Variants in PCED1B observed in about 807,000 individuals in gnomAD.
The protein encoded by PCED1B is PC-esterase domain containing 1B.
For missense variants in PCED1B, 573 were observed against 573.9 expected (o/e 1.00, Z 0.02); for synonymous variants, 251 against 246.1 (o/e 1.02, Z -0.19).
chr12:47,118,144 T>A (rs1027519211), intron 2 of PCED1B, among the ~76,000 whole-genome samples: 9 of 152,230 alleles, frequency 5.9e-5, no homozygotes, highest in African/African-American at 1.9e-4. Context: ...GTAAATTGCC[T>A]GTTCACTCTG....
chr12:47,201,513 A>G (rs1942762963), intron 2 of PCED1B, among the ~76,000 whole-genome samples: 1 of 152,170 alleles, frequency 6.6e-6, no homozygotes, highest in Non-Finnish European at 1.5e-5. Context: ...GGAGATTCTA[A>G]AAACAGGGTT....
intron 1 of PCED1B, among the ~76,000 whole-genome samples, chr12:47,087,507 G>A (rs534663147): frequency 1.3e-5 from 2 of 152,198 alleles, no homozygotes; most frequent in Admixed American, 1.3e-4. Flanking sequence ...GTTAGTCCTG[G>A]CTACACTCCC....
rs566048527 is a variant in PCED1B at position 47,175,100 on chromosome 12, T to A, written c.-525-41122T>A. ...TATAATATCCCTCTTCAAATTCCTA[T>A]AATTCTGCATTTTTGATATTTAGAA... On this transcript the variant is annotated intron_variant, in intron 2 of 3. Transcript: ENST00000546455. Among the ~76,000 whole-genome samples, 4 of 152,320 alleles carry A rather than the reference T, an allele frequency of 2.6e-5. No individual in the cohort carries two copies. The East Asian group carries it at 7.7e-4, about 29-fold the overall frequency.
intron 2 of PCED1B, among the ~76,000 whole-genome samples, chr12:47,164,650 C>A (rs542632109): frequency 1.3e-5 from 2 of 152,374 alleles, no homozygotes; most frequent in Non-Finnish European, 2.9e-5. Flanking sequence ...GGCATTGCCC[C>A]TGTGGGAGCT....
intron 2 of PCED1B, among the ~76,000 whole-genome samples, chr12:47,125,434 A>C (rs1444641523): frequency 6.6e-6 from 1 of 151,908 alleles, no homozygotes; most frequent in Non-Finnish European, 1.5e-5. Context: ...AATACGTCTT[A>C]ATATCAGGTG....
chr12:47,094,833 T>G (rs984412454), intron 1 of PCED1B, among the ~76,000 whole-genome samples: 1 of 152,098 alleles, frequency 6.6e-6, no homozygotes, highest in African/African-American at 2.4e-5. Flanking sequence ...CTCACCAGTG[T>G]TTTTTATTCC....
rs531803117 is a variant in PCED1B, at chr12:47,111,998, T to A, written c.-526+7803T>A. On this transcript the variant is annotated intron_variant, in intron 2 of 3. Coordinates refer to ENST00000546455, the MANE Select transcript of PCED1B (RefSeq NM_138371.3). ...TGGTGGGGGTCGTGTAGCCCCTCCA[T>A]AAGATGGCCAGAGAAAAGGCAGCCC... Among the ~76,000 whole-genome samples the A allele has an allele frequency of 2.0e-5, 3 of 152,238 alleles. No individual in the cohort carries two copies. In the East Asian group the frequency reaches 5.8e-4, roughly 29 times the overall value.
At chr12:47,172,557 G>A (rs10785660) in intron 2 of PCED1B, among the ~76,000 whole-genome samples, 85,177 of 151,782 alleles carry the variant, frequency 0.56, 25,208 homozygotes, top group South Asian at 0.66. Flanking sequence ...TAGAAAGCAA[G>A]ATGACATAGT....
chr12:47,208,412 AT>A, intron 2 of PCED1B: 1 of 151,946 alleles, frequency 6.6e-6, no homozygotes, highest in Non-Finnish European at 1.5e-5. Context: ...TTTTATTTTT[AT>A]TTTTTTGAGA....
rs898852851 is a variant in PCED1B at position 47,139,477 on chromosome 12, A to G, written c.-526+35282A>G. On this transcript the variant is annotated intron_variant, in intron 2 of 3. Coordinates refer to ENST00000546455, the MANE Select transcript of PCED1B (RefSeq NM_138371.3). Reference sequence around the variant, plus strand: ...CAGGCAGAGGGAACTGCAAATGCCAATGGGCTAAGACAGAAGTGTGTTTGG... The same window carrying G: ...CAGGCAGAGGGAACTGCAAATGCCAGTGGGCTAAGACAGAAGTGTGTTTGG... Among the ~76,000 whole-genome samples, 10 of 152,180 alleles carry G rather than the reference A, an allele frequency of 6.6e-5. 1 individual carries two copies. The highest frequency in any genetic ancestry group is 3.9e-4 in the Admixed American group (6 of 15,282).
At chr12:47,115,940 T>C (rs1237303548) in intron 2 of PCED1B, among the ~76,000 whole-genome samples, 2 of 152,360 alleles carry the variant, frequency 1.3e-5, no homozygotes, top group South Asian at 4.1e-4. Context: ...TTACTTCACA[T>C]TAGTGAAACT....
intron 2 of PCED1B, among the ~76,000 whole-genome samples, chr12:47,165,835 C>A (rs934527963): frequency 1.3e-5 from 2 of 151,992 alleles, no homozygotes; most frequent in Admixed American, 1.3e-4. Flanking sequence ...ATTAAAAGTT[C>A]AATACACAGT....
intron 2 of PCED1B, among the ~76,000 whole-genome samples, chr12:47,143,428 T>C (rs942670327): frequency 6.6e-6 from 1 of 151,996 alleles, no homozygotes; most frequent in Non-Finnish European, 1.5e-5. Context: ...AATGACAAGC[T>C]TACATGAATA....
intron 2 of PCED1B, among the ~76,000 whole-genome samples, chr12:47,174,254 C>A (rs1434327711): frequency 2.0e-5 from 3 of 151,478 alleles, no homozygotes; most frequent in Non-Finnish European, 4.4e-5. Flanking sequence ...AGGAAAAATA[C>A]AAAAATTAGC....
intron 2 of PCED1B, among the ~76,000 whole-genome samples, chr12:47,134,084 C>G (rs558533569): frequency 3.0e-4 from 46 of 152,168 alleles, no homozygotes; most frequent in African/African-American, 8.2e-4. Flanking sequence ...TTAAAGTGGC[C>G]CAAATGAACT....
chr12:47,161,121 G>A (rs1241398643), intron 2 of PCED1B, among the ~76,000 whole-genome samples: 1 of 152,214 alleles, frequency 6.6e-6, no homozygotes, highest in African/African-American at 2.4e-5. Flanking sequence ...CCAGCTTGCA[G>A]AACCATGAGC....
At chr12:47,164,450 C>A (rs749246371) in intron 2 of PCED1B, among the ~76,000 whole-genome samples, 1 of 152,238 alleles carries the variant, frequency 6.6e-6, no homozygotes, top group Non-Finnish European at 1.5e-5. Context: ...ATCTTTCACT[C>A]CATGTGCTGC....
intron 2 of PCED1B, among the ~76,000 whole-genome samples, chr12:47,131,348 C>G (rs1940117897): frequency 6.6e-6 from 1 of 152,194 alleles, no homozygotes; most frequent in African/African-American, 2.4e-5. Context: ...GAACCTTTGC[C>G]TCCTCTCAGA....
At chr12:47,165,442 T>C (rs1367250121) in intron 2 of PCED1B, among the ~76,000 whole-genome samples, 1 of 152,222 alleles carries the variant, frequency 6.6e-6, no homozygotes, top group Non-Finnish European at 1.5e-5. Flanking sequence ...AGAGTGAATG[T>C]GCATGGGGAA....
Sources: gnomAD v4.1 joint callset for allele counts (sites outside exome capture counted in the v4.1 genomes callset) on GRCh38, gnomAD v4.1.1 for gene constraint, MANE v1.5 for transcripts, NCBI Gene and HGNC (gene_info 2026-07-23, HGNC 2026-07-21) for gene names.